Variants in FAM204A observed in about 807,000 individuals in gnomAD.
The protein encoded by FAM204A is protein FAM204A.
In FAM204A, 16 loss-of-function variants were observed where a neutral mutation model predicts 35.4. The ratio of observed to expected loss-of-function variants is 0.45; its 90% CI spans 0.31 to 0.69. The LOEUF is 0.69. FAM204A is among the 30% of genes least tolerant of loss of function. The pLI, the probability that FAM204A is intolerant of heterozygous loss-of-function variation, is 0.07. For synonymous variants in FAM204A, 76 were observed against 86.9 expected (o/e 0.88, Z 0.70); for missense variants, 240 against 265.7 (o/e 0.90, Z 0.67).
chr10:118,335,197 C>G lies in FAM204A; in HGVS notation c.370G>C (p.Glu124Gln). Reference sequence around the variant, plus strand: ...TGAGTAAGCTCTTTCCACTGGGTTTCATTTGAGGACGGTTCACTAAAAGAA... The same window carrying G: ...TGAGTAAGCTCTTTCCACTGGGTTTGATTTGAGGACGGTTCACTAAAAGAA... ...KELHSEPSSNETQWKELTQYF... is the reference protein window; with the variant it reads ...KELHSEPSSNQTQWKELTQYF... Residue 124 changes from glutamate to glutamine, a missense_variant, in exon 6 of 9, where the codon GAA becomes CAA. Physicochemically the swap from Glu to Gln is conservative, Grantham distance 29. Coordinates refer to ENST00000369183, the MANE Select transcript of FAM204A (RefSeq NM_022063.3). 1.2e-6 allele frequency: 2 copies of G among 1,613,206 alleles called. No homozygotes were observed. Among genetic ancestry groups the G allele is most frequent in the Non-Finnish European group, 1.7e-6 (2 of 1,179,650 alleles).
At chr10:118,332,533 T>C (rs1192528468) in intron 6 of FAM204A, among the ~76,000 whole-genome samples, 1 of 95,564 alleles carries the variant, frequency 1.0e-5, no homozygotes, top group Non-Finnish European at 2.4e-5. Flanking sequence ...CACATCCTAA[T>C]GCCCCTCCCT....
intron 3 of FAM204A, 198 bp downstream of exon 3, chr10:118,335,984 G>A (rs568250172): frequency 3.7e-5 from 21 of 571,258 alleles, no homozygotes; most frequent in South Asian, 3.2e-4. Flanking sequence ...TTCCCCCTCC[G>A]TCTTTCTATG....
At chr10:118,326,295 G>C (rs780779071) in intron 6 of FAM204A, 52 bp from the exon 7 acceptor site, 34 of 1,458,746 alleles carry the variant, frequency 2.3e-5, no homozygotes, top group Admixed American at 8.6e-5. Context: ...GCAAACATTT[G>C]CTAGCCAAGA....
At chr10:118,311,164 TG>T (rs779850670) in intron 8 of FAM204A, 42 bp downstream of exon 8, 8 of 1,525,518 alleles carry the variant, frequency 5.2e-6, no homozygotes, top group Non-Finnish European at 6.3e-6. Context: ...AGAATTTCTA[TG>T]AAGTCAGGAG....
chr10:118,322,123 G>A (rs938833823), intron 7 of FAM204A, among the ~76,000 whole-genome samples: 3 of 152,078 alleles, frequency 2.0e-5, no homozygotes, highest in African/African-American at 7.2e-5. Context: ...TCATTTGGCA[G>A]TCACCATAAT....
chr10:118,319,030 T>C (rs573188326), intron 7 of FAM204A, among the ~76,000 whole-genome samples: 2 of 151,968 alleles, frequency 1.3e-5, no homozygotes, highest in African/African-American at 2.4e-5. Context: ...AAAGGAAGAA[T>C]TGTAGTCAAA....
At chr10:118,324,660 G>A (rs944951850) in intron 7 of FAM204A, among the ~76,000 whole-genome samples, 1 of 152,126 alleles carries the variant, frequency 6.6e-6, no homozygotes, top group Non-Finnish European at 1.5e-5. Flanking sequence ...GGAGACAGAA[G>A]AGTGGCTGTC....
chr10:118,315,198 T>A (rs143624349), intron 7 of FAM204A, among the ~76,000 whole-genome samples: 47 of 152,234 alleles, frequency 3.1e-4, no homozygotes, highest in Middle Eastern at 6.8e-3. Flanking sequence ...TAAATCATAT[T>A]GGGTTGTAAA....
chr10:118,307,872 C>T lies in FAM204A; in HGVS notation c.*2985G>A, dbSNP rs908745079. ...AGCCTGCTGCTCCCTTATCTGTCAT[C>T]CTAAAAAAATAAGTGTTTAAAATAT... On this transcript the variant is annotated 3_prime_UTR_variant, in exon 9 of 9. Transcript: ENST00000369183. 8 of 152,108 alleles carry T rather than the reference C, an allele frequency of 5.3e-5. No individual in the cohort carries two copies. The highest frequency in any genetic ancestry group is 1.9e-4 in the African/African-American group (8 of 41,404). The allele number at this position is 152,108 out of a possible 1,614,324, so 9.4% of individuals were successfully genotyped here. A position where few individuals can be genotyped will look rare whatever the true frequency, so the allele number is the denominator to read the frequency against.
At position 118,310,032 on chromosome 10, in the gene FAM204A, C is replaced by T. The variant is rs1845922587; in HGVS notation, c.*825G>A. The T allele has an allele frequency of 6.6e-6, 1 of 151,974 alleles. No homozygotes were observed. Among genetic ancestry groups the T allele is most frequent in the Admixed American group, 6.6e-5 (1 of 15,264 alleles). 9.4% of individuals were successfully genotyped at this position (151,974 alleles called of 1,614,324 possible). ...AAGTCTGCCTCCAATTAAAAAAAAA[C>T]AGTAACTACTTTTATAACATTAAGG... On this transcript the variant is annotated 3_prime_UTR_variant, in exon 9 of 9. Transcript: ENST00000369183.
chr10:118,335,247 T>C (rs1246676441), intron 5 of FAM204A, 34 bp from the exon 6 acceptor site: 3 of 1,585,758 alleles, frequency 1.9e-6, no homozygotes, highest in African/African-American at 2.7e-5. Flanking sequence ...TTTTATACAA[T>C]ATATACTGTC....
chr10:118,317,750 C>G (rs565792495), intron 7 of FAM204A, among the ~76,000 whole-genome samples: 1 of 152,136 alleles, frequency 6.6e-6, no homozygotes, highest in Non-Finnish European at 1.5e-5. Context: ...AATTGTTGAT[C>G]TACATGTAAT....
intron 7 of FAM204A, among the ~76,000 whole-genome samples, chr10:118,325,242 T>C (rs929542751): frequency 6.6e-6 from 1 of 152,056 alleles, no homozygotes; most frequent in African/African-American, 2.4e-5. Context: ...TTACATCAGA[T>C]ATAATGATGG....
At chr10:118,322,518 C>A in intron 7 of FAM204A, 1 of 273,314 alleles carries the variant, frequency 3.7e-6, no homozygotes, top group Non-Finnish European at 7.6e-6. Context: ...ATATTAAGGT[C>A]CTGAGAAACA....
intron 7 of FAM204A, among the ~76,000 whole-genome samples, chr10:118,312,793 T>C (rs1033246519): frequency 2.6e-5 from 4 of 152,154 alleles, no homozygotes; most frequent in African/African-American, 9.6e-5. Flanking sequence ...AGGAATAACA[T>C]TCATTCAACA....
In FAM204A at chr10:118,328,638, G is replaced by A. The variant is rs1034073533; in HGVS notation, c.454-2395C>T. 3.9e-5 allele frequency among the ~76,000 whole-genome samples: 6 copies of A among 151,960 alleles called. No individual in the cohort carries two copies. In the East Asian group the frequency reaches 9.7e-4, roughly 25 times the overall value. On this transcript the variant is annotated intron_variant, in intron 6 of 8. Coordinates refer to ENST00000369183, the MANE Select transcript of FAM204A (RefSeq NM_022063.3). Reference sequence around the variant, plus strand: ...CTCCCAAGTAGCTGGGACTACAGGCGTGTGCCACCATGCCCAGCTAATTTT... The same window carrying A: ...CTCCCAAGTAGCTGGGACTACAGGCATGTGCCACCATGCCCAGCTAATTTT...
In FAM204A at chr10:118,308,644, T is replaced by C. The variant is rs1182133701; in HGVS notation, c.*2213A>G. 2 of 152,194 alleles carry C rather than the reference T, an allele frequency of 1.3e-5. No individual in the cohort carries two copies. The highest frequency in any genetic ancestry group is 1.9e-4 in the East Asian group (1 of 5,178). 9.4% of individuals were successfully genotyped at this position (152,194 alleles called of 1,614,324 possible). On this transcript the variant is annotated 3_prime_UTR_variant, in exon 9 of 9. Coordinates refer to ENST00000369183, the MANE Select transcript of FAM204A (RefSeq NM_022063.3). ...CTTCCTTTATTAGATGAGCCCCCGC[T>C]ATACTTAATTCTGCTGAAATGCCTG...
intron 2 of FAM204A, among the ~76,000 whole-genome samples, 169 bp from the exon 3 acceptor site, chr10:118,336,592 A>G (rs895533853): frequency 6.6e-6 from 1 of 152,136 alleles, no homozygotes; most frequent in African/African-American, 2.4e-5. Context: ...GTTATAAAAT[A>G]ATTAAAATCT....
chr10:118,337,171 C>T (rs1335717466), intron 2 of FAM204A: 1 of 891,444 alleles, frequency 1.1e-6, no homozygotes, highest in African/African-American at 1.8e-5. Context: ...AATAAAATGA[C>T]TTAAAATAGC....
Sources: allele counts gnomAD v4.1 joint callset (sites outside exome capture counted in the v4.1 genomes callset), GRCh38; gene constraint gnomAD v4.1.1; transcripts MANE v1.5; gene names NCBI Gene and HGNC (gene_info 2026-07-23, HGNC 2026-07-21).